The following PTPRE variants were observed in gnomAD, a reference collection of about 807,000 sequenced individuals.
The protein encoded by PTPRE is protein tyrosine phosphatase receptor type E, also known as receptor-type tyrosine-protein phosphatase epsilon.
PTPRE carries 51 observed loss-of-function variants against 102.0 expected under a neutral mutation model. The ratio of observed to expected loss-of-function variants is 0.50; its 90% CI spans 0.40 to 0.63. The LOEUF (loss-of-function observed/expected upper bound fraction) is 0.63, where lower values mean the gene tolerates loss of function less well. Ranked by LOEUF, PTPRE falls within the 30% of genes least tolerant of loss-of-function variation. The pLI is 0.00. For synonymous variants in PTPRE, 345 were observed against 348.2 expected (o/e 0.99, Z 0.10); for missense variants, 752 against 915.1 (o/e 0.82, Z 2.30).
chr10:127,954,018 T>C (rs1056427308), intron 1 of PTPRE, among the ~76,000 whole-genome samples: 2 of 152,226 alleles, frequency 1.3e-5, no homozygotes, highest in South Asian at 4.1e-4. Context: ...TGCTCTGAGC[T>C]GGCAAAGGAA....
intron 2 of PTPRE, among the ~76,000 whole-genome samples, chr10:128,004,233 T>C (rs977048974): frequency 6.6e-6 from 1 of 151,270 alleles, no homozygotes; most frequent in African/African-American, 2.4e-5. Context: ...GAGGGTGCCC[T>C]TCATCCCAAA....
At position 128,070,205 on chromosome 10, in the gene PTPRE, A is replaced by G; in HGVS notation, c.1144-96A>G. Reference sequence around the variant, plus strand: ...CCTCCTTGTGTTGGCAAAAAGAGAAAAAGAAGAAAGCCGCCCTCTTTGGTC... The same window carrying G: ...CCTCCTTGTGTTGGCAAAAAGAGAAGAAGAAGAAAGCCGCCCTCTTTGGTC... On this transcript the variant is annotated intron_variant, in intron 13 of 20. Coordinates refer to ENST00000254667, the MANE Select transcript of PTPRE (RefSeq NM_006504.6). The surrounding 1 kb of genome is among the most constrained non-coding windows in gnomAD (Gnocchi z 4.8). The G allele has an allele frequency of 1.4e-6, 2 of 1,429,956 alleles. No homozygotes were observed. The highest frequency in any genetic ancestry group is 1.9e-6 in the Non-Finnish European group (2 of 1,059,928). The allele number at this position is 1,429,956 out of a possible 1,614,324, so 88.6% of individuals were successfully genotyped here. A position where few individuals can be genotyped will look rare whatever the true frequency, so the allele number is the denominator to read the frequency against.
At chr10:128,030,628 G>T (rs2135739679) in intron 2 of PTPRE, among the ~76,000 whole-genome samples, 1 of 152,318 alleles carries the variant, frequency 6.6e-6, no homozygotes, top group Non-Finnish European at 1.5e-5. Flanking sequence ...AGGCACCAGG[G>T]TAGAGACCTG....
At chr10:128,060,111 A>G (rs1000056326) in intron 7 of PTPRE, among the ~76,000 whole-genome samples, 1 of 147,682 alleles carries the variant, frequency 6.8e-6, no homozygotes, top group Non-Finnish European at 1.5e-5. Context: ...CACTACACAT[A>G]CACACCAAAC....
chr10:127,968,009 GGTGTGTGTGTGT>G (rs142445895), intron 1 of PTPRE, among the ~76,000 whole-genome samples: 3 of 143,134 alleles, frequency 2.1e-5, no homozygotes, highest in East Asian at 2.1e-4. Context: ...TTGCTCTATA[GGTGTGTGTGTGT>G]GTGTGTGTGT....
intron 1 of PTPRE, among the ~76,000 whole-genome samples, chr10:127,975,165 AG>A (rs1242560625): frequency 6.6e-6 from 1 of 152,126 alleles, no homozygotes; most frequent in Non-Finnish European, 1.5e-5. Flanking sequence ...TGAGGGAAGC[AG>A]GGGGACTGTG....
chr10:128,027,702 C>T lies in PTPRE; in HGVS notation c.-7-13173C>T, dbSNP rs148104735. Among the ~76,000 whole-genome samples the T allele has an allele frequency of 3.2e-3, 484 of 152,286 alleles. 2 individuals are homozygous for T. The highest frequency in any genetic ancestry group is 0.011 in the African/African-American group (460 of 41,542). On this transcript the variant is annotated intron_variant, in intron 2 of 20. Transcript: ENST00000254667. ...CACACCAGCATTCGTGTTATTTCTC[C>T]GTGCATGAATGGATGGGCCTTGAAG... is the stretch of plus-strand genomic sequence containing the variant.
rs1443603017 is a variant in PTPRE at position 128,062,818 on chromosome 10, C to G, written c.626-265C>G. On this transcript the variant is annotated intron_variant, in intron 9 of 20. Coordinates refer to ENST00000254667, the MANE Select transcript of PTPRE (RefSeq NM_006504.6). ...CTGTAGACCCAGCCCTCATCTGAAC[C>G]CTGCTTCTTACCTGTGAACGTCATA... is the stretch of plus-strand genomic sequence containing the variant. 1.4e-5 allele frequency: 7 copies of G among 506,818 alleles called. No individual in the cohort carries two copies. In the East Asian group the frequency reaches 2.0e-4, roughly 15 times the overall value. The allele number at this position is 506,818 out of a possible 1,614,324, so 31.4% of individuals were successfully genotyped here. A position where few individuals can be genotyped will look rare whatever the true frequency, so the allele number is the denominator to read the frequency against.
rs796209895 is a variant in PTPRE, at chr10:127,997,647, G to A, written c.-8+15351G>A. 7.6e-4 allele frequency among the ~76,000 whole-genome samples: 115 copies of A among 152,210 alleles called. 2 individuals carry two copies. Among genetic ancestry groups the A allele is most frequent in the African/African-American group, 2.7e-3 (114 of 41,552 alleles). The stretch of plus-strand genomic sequence containing the variant: ...CTAGTTACAAATAAGAGACAAGAAA[G>A]GAGATATACAAATAGGAGAACAAAG... On this transcript the variant is annotated intron_variant, in intron 2 of 20. Transcript: ENST00000254667.
chr10:128,000,480 T>C (rs1853761913), intron 2 of PTPRE, among the ~76,000 whole-genome samples: 1 of 152,232 alleles, frequency 6.6e-6, no homozygotes, highest in Non-Finnish European at 1.5e-5. Context: ...TCTCTCTCTT[T>C]TTTTAGAAGC....
rs182458887 is a variant in PTPRE at position 128,043,556 on chromosome 10, G to A, written c.109+2566G>A. Among the ~76,000 whole-genome samples, 434 of 152,352 alleles carry A rather than the reference G, an allele frequency of 2.8e-3. 2 individuals are homozygous for A. Among genetic ancestry groups the A allele is most frequent in the African/African-American group, 9.4e-3 (391 of 41,578 alleles). On this transcript the variant is annotated intron_variant, in intron 3 of 20. Transcript: ENST00000254667. Reference sequence around the variant, plus strand: ...TGTCCTGGGGGAGTTAGAGACCTCCGCTGTGGATGAATGTAGAAGTTGGAC... The same window carrying A: ...TGTCCTGGGGGAGTTAGAGACCTCCACTGTGGATGAATGTAGAAGTTGGAC...
intron 5 of PTPRE, among the ~76,000 whole-genome samples, chr10:128,048,664 C>G (rs1476033724): frequency 1.3e-5 from 2 of 152,144 alleles, no homozygotes; most frequent in African/African-American, 4.8e-5. Context: ...TTCCAGTCCC[C>G]GGTTCCCTGC....
chr10:128,033,464 T>C (rs1302972300), intron 2 of PTPRE, among the ~76,000 whole-genome samples: 1 of 152,228 alleles, frequency 6.6e-6, no homozygotes, highest in East Asian at 1.9e-4. Context: ...ATGTTCCTCC[T>C]GTCAAAGGCA....
At chr10:128,018,198 T>C (rs1456517715) in intron 2 of PTPRE, among the ~76,000 whole-genome samples, 1 of 152,036 alleles carries the variant, frequency 6.6e-6, no homozygotes, top group Non-Finnish European at 1.5e-5. Flanking sequence ...GCGGGGGGCA[T>C]GAGAGTGACT....
intron 7 of PTPRE, among the ~76,000 whole-genome samples, chr10:128,060,263 A>T (rs955801446): frequency 8.0e-5 from 12 of 150,208 alleles, no homozygotes; most frequent in Non-Finnish European, 1.5e-4. Context: ...CACACACACA[A>T]TACACACACA....
intron 13 of PTPRE, 90 bp downstream of exon 13, chr10:128,069,917 T>C (rs574808348): frequency 1.3e-6 from 2 of 1,588,916 alleles, no homozygotes; most frequent in South Asian, 1.1e-5. Flanking sequence ...CTGGCTCTGA[T>C]GGGCACGTGG....
At chr10:127,942,313 G>A (rs1038843956) in intron 1 of PTPRE, among the ~76,000 whole-genome samples, 2 of 152,194 alleles carry the variant, frequency 1.3e-5, no homozygotes, top group Admixed American at 6.5e-5. Context: ...AGAGGTTTGG[G>A]TGCTGTTCAT....
Position 128,070,366 on chromosome 10 carries a change from C to G in PTPRE, c.1209C>G (p.Asp403Glu). 6.2e-7 allele frequency: 1 copy of G among 1,614,186 alleles called. No individual in the cohort carries two copies. The highest frequency in any genetic ancestry group is 8.5e-7 in the Non-Finnish European group (1 of 1,180,024). The change falls in exon 14 of 21, where the codon GAC (aspartate) becomes GAG (glutamate). Residue 403 changes from aspartate (D) to glutamate (E), a missense_variant. Around this residue, in one of 2 missense-constraint regions of PTPRE, gnomAD observed 636 missense variants for 824.4 expected, o/e 0.77. Coordinates refer to ENST00000254667, the MANE Select transcript of PTPRE (RefSeq NM_006504.6). The surrounding 1 kb of genome is among the most constrained non-coding windows in gnomAD (Gnocchi z 4.8). ...EYYLYGDTEL[D>E]VSSLEKHLQT... Reference sequence around the variant, plus strand: ...ACCTCTACGGGGACACAGAGCTGGACGTGTCCTCCCTGGAGAAGCACCTGC... The same window carrying G: ...ACCTCTACGGGGACACAGAGCTGGAGGTGTCCTCCCTGGAGAAGCACCTGC...
At chr10:128,042,077 C>T (rs897571769) in intron 3 of PTPRE, among the ~76,000 whole-genome samples, 6 of 152,162 alleles carry the variant, frequency 3.9e-5, no homozygotes, top group African/African-American at 1.2e-4. Flanking sequence ...AGAAGCTGCC[C>T]GCAAATATTA....
Sources: allele counts gnomAD v4.1 joint callset (sites outside exome capture counted in the v4.1 genomes callset), GRCh38; gene constraint gnomAD v4.1.1; regional missense constraint gnomAD v4.1.1; non-coding constraint Gnocchi (gnomAD v3.1); transcripts MANE v1.5; gene names NCBI Gene and HGNC (gene_info 2026-07-23, HGNC 2026-07-21).